The following AATK variants were observed in gnomAD, a reference collection of about 807,000 sequenced individuals.
AATK encodes serine/threonine-protein kinase LMTK1.
Under a neutral mutation model 114.3 loss-of-function variants are expected in AATK, and 91 were observed. That is an observed-to-expected ratio of 0.80 (90% CI 0.67 to 0.95). The LOEUF (loss-of-function observed/expected upper bound fraction) is 0.95, where lower values mean the gene tolerates loss of function less well. AATK is among the 40% of genes least tolerant of loss of function. The pLI is 0.00. For synonymous variants in AATK, 1,075 were observed against 916.5 expected (o/e 1.17, Z -3.12); for missense variants, 2,176 against 1,965.2 (o/e 1.11, Z -2.03).
intron 9 of AATK, among the ~76,000 whole-genome samples, chr17:81,124,395 G>T (rs1371862896): frequency 6.6e-6 from 1 of 152,190 alleles, no homozygotes; most frequent in Admixed American, 6.5e-5. Context: ...CTCCCGTGAA[G>T]GCAGCCAACA....
intron 9 of AATK, among the ~76,000 whole-genome samples, 164 bp downstream of exon 9, chr17:81,124,563 G>A (rs367869713): frequency 3.3e-5 from 5 of 152,188 alleles, no homozygotes; most frequent in African/African-American, 9.7e-5. Context: ...TATCTCCCCC[G>A]GTGTGGGGTC....
At chr17:81,145,698 A>G (rs2061207657) in intron 1 of AATK, among the ~76,000 whole-genome samples, 1 of 136,468 alleles carries the variant, frequency 7.3e-6, no homozygotes, top group Non-Finnish European at 1.5e-5. Context: ...GTGCCATTGC[A>G]CTCCAGCCTT....
chr17:81,119,304 C>T lies in AATK; in HGVS notation c.4084+76G>A, dbSNP rs866265486. The T allele has an allele frequency of 2.8e-5, 39 of 1,398,398 alleles. 1 individual carries two copies. Among genetic ancestry groups the T allele is most frequent in the African/African-American group, 2.4e-4 (15 of 61,628 alleles). The allele number at this position is 1,398,398 out of a possible 1,614,324, so 86.6% of individuals were successfully genotyped here. On this transcript the variant is annotated intron_variant, in intron 13 of 13. Transcript: ENST00000326724. ...GGGCTGGCCCGGCCCAGGACCTAGACGGAGGGGCCCCACCCTCGGAGCTCC... is the reference window on the plus strand; with the variant it reads ...GGGCTGGCCCGGCCCAGGACCTAGATGGAGGGGCCCCACCCTCGGAGCTCC...
intron 1 of AATK, among the ~76,000 whole-genome samples, chr17:81,140,276 G>GT (rs1240122735): frequency 2.0e-5 from 3 of 152,158 alleles, no homozygotes; most frequent in South Asian, 2.1e-4. Flanking sequence ...TGCTTTTTTC[G>GT]TATCAGTGCT....
Position 81,128,561 on chromosome 17 carries a change from C to G in AATK, c.335-12G>C. 1 of 1,548,658 alleles carries G rather than the reference C, an allele frequency of 6.5e-7. No individual in the cohort carries two copies. The highest frequency in any genetic ancestry group is 8.7e-7 in the Non-Finnish European group (1 of 1,146,664). On this transcript the variant is annotated splice_polypyrimidine_tract_variant and intron_variant, in intron 3 of 13. Transcript: ENST00000326724. ...CTTGAGGAGCTGCACTGTAACCAAGCAGGGGGTTCAGGGACCCAGTGTGGC... is the reference window on the plus strand; with the variant it reads ...CTTGAGGAGCTGCACTGTAACCAAGGAGGGGGTTCAGGGACCCAGTGTGGC...
chr17:81,140,885 GA>G lies in AATK; in HGVS notation c.56-6385del, dbSNP rs1450145081. Among the ~76,000 whole-genome samples, 117 of 144,954 alleles carry G rather than the reference GA, an allele frequency of 8.1e-4. 4 individuals are homozygous for G. Among genetic ancestry groups the G allele is most frequent in the East Asian group, 5.0e-3 (23 of 4,614 alleles). On this transcript the variant is annotated intron_variant, in intron 1 of 13. Coordinates refer to ENST00000326724, the MANE Select transcript of AATK (RefSeq NM_001080395.3). Reference sequence around the variant, plus strand: ...GGGCCGTGAGCCGTGGGGCCGTGGGGACCGTGAGCTGTGAGCCGTGGGGCCG... The same window carrying G: ...GGGCCGTGAGCCGTGGGGCCGTGGGGCCGTGAGCTGTGAGCCGTGGGGCCG...
intron 1 of AATK, among the ~76,000 whole-genome samples, chr17:81,164,055 A>C (rs2061456501): frequency 6.6e-6 from 1 of 152,220 alleles, no homozygotes; most frequent in South Asian, 2.1e-4. Flanking sequence ...TGCTGTAGGA[A>C]GCTTGGGCCC....
Position 81,117,948 on chromosome 17 carries a change from G to A in AATK, c.*454C>T, listed in dbSNP as rs72854167. On this transcript the variant is annotated 3_prime_UTR_variant, in exon 14 of 14. Coordinates refer to ENST00000326724, the MANE Select transcript of AATK (RefSeq NM_001080395.3). ...AGGGTGGGGGCACAGGGGGTGGGAAGAGGCTCACAAACCTGCCAGTGTCTC... is the reference window on the plus strand; with the variant it reads ...AGGGTGGGGGCACAGGGGGTGGGAAAAGGCTCACAAACCTGCCAGTGTCTC... The A allele has an allele frequency of 0.02, 3,209 of 156,882 alleles. 53 individuals carry two copies. The highest frequency in any genetic ancestry group is 0.036 in the Middle Eastern group (11 of 308). 9.7% of individuals were successfully genotyped at this position (156,882 alleles called of 1,614,324 possible).
chr17:81,153,354 AG>A (rs2061321243), intron 1 of AATK, among the ~76,000 whole-genome samples: 1 of 152,316 alleles, frequency 6.6e-6, no homozygotes, highest in South Asian at 2.1e-4. Flanking sequence ...GGTGTGATCA[AG>A]GCTTCTAACA....
Position 81,119,979 on chromosome 17 carries a change from C to A in AATK, c.3840G>T (p.Pro1280=), listed in dbSNP as rs765108014. The A allele has an allele frequency of 6.9e-7, 1 of 1,449,256 alleles. No individual in the cohort carries two copies. The allele number at this position is 1,449,256 out of a possible 1,614,324, so 89.8% of individuals were successfully genotyped here. ...CATTTGGGGAGCCATCAGCCTGCTG[C>A]GGCCGGTTGGGGGCGCTGGGAGAGC... ...SPGSPSAPNR[P]QQADGSPNGS... The change falls in exon 12 of 14, where the codon CCG becomes CCT. Residue 1280 remains proline, a synonymous_variant. Transcript: ENST00000326724.
chr17:81,149,254 C>G (rs1040606058), intron 1 of AATK, among the ~76,000 whole-genome samples: 1 of 152,182 alleles, frequency 6.6e-6, no homozygotes, highest in Non-Finnish European at 1.5e-5. Flanking sequence ...CATCACCCAC[C>G]ACCACAGCCT....
intron 9 of AATK, among the ~76,000 whole-genome samples, chr17:81,124,452 C>T (rs541824241): frequency 6.6e-6 from 1 of 152,226 alleles, no homozygotes. Context: ...CCAAGGCCCC[C>T]GTCTCAGGAC....
Position 81,123,253 on chromosome 17 carries a change from G to T in AATK, c.1053C>A (p.Val351=), listed in dbSNP as rs754453995. 1.1e-5 allele frequency: 16 copies of T among 1,411,724 alleles called. No individual in the cohort carries two copies. Among genetic ancestry groups the T allele is most frequent in the South Asian group, 1.6e-5 (1 of 64,256 alleles). 87.4% of individuals were successfully genotyped at this position (1,411,724 alleles called of 1,614,324 possible). The change falls in exon 10 of 14, where the codon GTC becomes GTA. Residue 351 remains valine, a synonymous_variant. Transcript: ENST00000326724. Reference sequence around the variant, plus strand: ...TGGGCAGCTTGAGCTGCTGCTCCCGGACCGTGTACGCCAGCACCTGCTGGT... The same window carrying T: ...TGGGCAGCTTGAGCTGCTGCTCCCGTACCGTGTACGCCAGCACCTGCTGGT... The part of the protein sequence containing the change: ...HSDQQVLAYT[V]REQQLKLPKP...
rs749158694 is a variant in AATK, at chr17:81,120,187, T to A, written c.3735+14A>T. ...CCCCCAGCCCCGGGCAGACCCCGGG[T>A]GGCGGCGGCCCACCTGGTCAAAGAG... On this transcript the variant is annotated intron_variant, in intron 11 of 13. Transcript: ENST00000326724. 13 of 1,551,814 alleles carry A rather than the reference T, an allele frequency of 8.4e-6. No homozygotes were observed. In the East Asian group the frequency reaches 3.0e-4, roughly 36 times the overall value.
intron 1 of AATK, among the ~76,000 whole-genome samples, chr17:81,156,223 A>G (rs1167881915): frequency 6.6e-6 from 1 of 150,634 alleles, no homozygotes; most frequent in Non-Finnish European, 1.5e-5. Flanking sequence ...TTACCATGTT[A>G]CAATGTATGT....
chr17:81,128,166 G>A (rs919360657), intron 4 of AATK, among the ~76,000 whole-genome samples: 19 of 151,990 alleles, frequency 1.3e-4, no homozygotes, highest in Non-Finnish European at 2.4e-4. Flanking sequence ...CTCTCTGGGG[G>A]TTTGAAGTGA....
rs1366229827 is a variant in AATK, at chr17:81,122,256, C to G, written c.1680G>C (p.Gln560His). Residue 560 changes from glutamine to histidine, a missense_variant, in exon 11 of 14, where the codon CAG becomes CAC. This residue lies in a region of AATK where 1,701 missense variants were observed against 1,394.7 expected (regional missense o/e 1.22). Coordinates refer to ENST00000326724, the MANE Select transcript of AATK (RefSeq NM_001080395.3). ...CGGTGCTGCCGTCAGAGTCGTCGTCCTGGTCCGCGGTGGCAGGTGGACTGG... is the reference window on the plus strand; with the variant it reads ...CGGTGCTGCCGTCAGAGTCGTCGTCGTGGTCCGCGGTGGCAGGTGGACTGG... ...CAPSPPATAD[Q>H]DDDSDGSTAA... is the part of the protein sequence containing the mutation. 4.0e-6 allele frequency: 6 copies of G among 1,494,336 alleles called. No homozygotes were observed. The highest frequency in any genetic ancestry group is 5.3e-6 in the Non-Finnish European group (6 of 1,126,044). 92.6% of individuals were successfully genotyped at this position (1,494,336 alleles called of 1,614,324 possible).
chr17:81,122,516 C>T lies in AATK; in HGVS notation c.1420G>A (p.Gly474Ser), dbSNP rs1369107546. 2.0e-6 allele frequency: 3 copies of T among 1,479,158 alleles called. No homozygotes were observed. The highest frequency in any genetic ancestry group is 1.8e-6 in the Non-Finnish European group (2 of 1,110,866). 91.6% of individuals were successfully genotyped at this position (1,479,158 alleles called of 1,614,324 possible). The change falls in exon 11 of 14, where the codon GGC (glycine) becomes AGC (serine). Residue 474 changes from glycine (G) to serine (S), a missense_variant. Gly to Ser is a moderately conservative substitution (Grantham distance 56). Transcript: ENST00000326724. ...DVLTVTETSR[G>S]LNFEYKWEAG... The stretch of plus-strand genomic sequence containing the variant: ...TCCCACTTGTACTCAAAATTGAGGC[C>T]TCGGCTGGTCTCGGTCACCGTCAGC...
At position 81,122,270 on chromosome 17, in the gene AATK, C is replaced by T. The variant is rs764507597; in HGVS notation, c.1666G>A (p.Ala556Thr). The T allele has an allele frequency of 1.3e-6, 2 of 1,497,064 alleles. No individual in the cohort carries two copies. The highest frequency in any genetic ancestry group is 1.3e-5 in the South Asian group (1 of 79,526). The allele number at this position is 1,497,064 out of a possible 1,614,324, so 92.7% of individuals were successfully genotyped here. Residue 556 changes from alanine (A) to threonine (T), a missense_variant, in exon 11 of 14, where the codon GCC (alanine) becomes ACC (threonine). Ala to Thr is a moderately conservative substitution (Grantham distance 58). Coordinates refer to ENST00000326724, the MANE Select transcript of AATK (RefSeq NM_001080395.3). ...DCAGCAPSPP[A>T]TADQDDDSDG... ...GAGTCGTCGTCCTGGTCCGCGGTGG[C>T]AGGTGGACTGGGGGCGCAGCCGGCG...
Sources: gnomAD v4.1 joint callset for allele counts (sites outside exome capture counted in the v4.1 genomes callset) on GRCh38, gnomAD v4.1.1 for gene constraint, gnomAD v4.1.1 regional missense constraint, MANE v1.5 for transcripts, NCBI Gene and HGNC (gene_info 2026-07-23, HGNC 2026-07-21) for gene names.